ZNF236: variants seen among roughly 807,000 people sequenced by gnomAD.
ZNF236 encodes regulated by glucose.
Under a neutral mutation model 191.2 loss-of-function variants are expected in ZNF236, and 50 were observed. That is an observed-to-expected ratio of 0.26 (90% confidence interval 0.21 to 0.33). ZNF236 has a LOEUF of 0.33. Ranked by LOEUF, ZNF236 falls within the 10% of genes least tolerant of loss-of-function variation. The probability of loss-of-function intolerance (pLI) is 1.00; values close to 1 mark genes in which losing one functional copy is unlikely to be tolerated. For synonymous variants in ZNF236, 907 were observed against 928.8 expected, an observed-to-expected ratio of 0.98 and a Z score of 0.43; for missense variants, 1,754 against 2,374.5, an observed-to-expected ratio of 0.74 and a Z score of 5.43.
chr18:76,825,770 CT>C (rs35798856), intron 1 of ZNF236, among the ~76,000 whole-genome samples: 20,251 of 151,398 alleles, frequency 0.13, 1,745 homozygotes, highest in East Asian at 0.37. Flanking sequence ...TCTAGGGCCT[CT>C]TTTTTTTTGT....
At chr18:76,859,310 G>C (rs540274097) in intron 3 of ZNF236, among the ~76,000 whole-genome samples, 1 of 152,176 alleles carries the variant, frequency 6.6e-6, no homozygotes, top group South Asian at 2.1e-4. Flanking sequence ...AAGTGGAGCA[G>C]CTCCTGGTAT....
At chr18:76,841,353 T>C (rs1440754060) in intron 1 of ZNF236, among the ~76,000 whole-genome samples, 2 of 152,198 alleles carry the variant, frequency 1.3e-5, no homozygotes, top group Non-Finnish European at 2.9e-5. Flanking sequence ...ATTACAGGCG[T>C]GAGCCTCCGC....
chr18:76,889,942 A>T (rs1345554764), intron 9 of ZNF236, among the ~76,000 whole-genome samples: 4 of 152,088 alleles, frequency 2.6e-5, no homozygotes, highest in Non-Finnish European at 5.9e-5. Context: ...ACTTTTTTCC[A>T]CTTGATATCT....
chr18:76,918,160 CT>C (rs980187968), intron 19 of ZNF236, among the ~76,000 whole-genome samples: 20 of 152,138 alleles, frequency 1.3e-4, no homozygotes, highest in African/African-American at 4.8e-4. Context: ...CCCAGCCAAA[CT>C]TTTTTTCCTT....
chr18:76,860,311 T>C (rs77968912), intron 3 of ZNF236, among the ~76,000 whole-genome samples: 1,777 of 152,298 alleles, frequency 0.012, 25 homozygotes, highest in African/African-American at 0.04. Context: ...GCTACACCCA[T>C]CTACAGGGGT....
chr18:76,903,989 A>C (rs923481981), intron 11 of ZNF236, among the ~76,000 whole-genome samples: 1 of 149,546 alleles, frequency 6.7e-6, no homozygotes, highest in Non-Finnish European at 1.5e-5. Context: ...AATTTTGGAC[A>C]TAGTTATGTA....
At chr18:76,916,073 C>T (rs1273900523) in intron 19 of ZNF236, among the ~76,000 whole-genome samples, 1 of 152,228 alleles carries the variant, frequency 6.6e-6, no homozygotes, top group African/African-American at 2.4e-5. Flanking sequence ...TCTGCTCTTA[C>T]AAATCACCAC....
At chr18:76,838,893 C>T (rs901602770) in intron 1 of ZNF236, among the ~76,000 whole-genome samples, 3 of 152,114 alleles carry the variant, frequency 2.0e-5, no homozygotes, top group African/African-American at 7.2e-5. Flanking sequence ...CAGTAAGGAC[C>T]CTCCTTGTTG....
chr18:76,900,702 CT>C (rs1977564760), intron 11 of ZNF236, among the ~76,000 whole-genome samples: 1 of 152,024 alleles, frequency 6.6e-6, no homozygotes. Context: ...AAAATTAAGA[CT>C]TTTGAGTATT....
At chr18:76,956,488 G>A (rs1055142457) in intron 28 of ZNF236, among the ~76,000 whole-genome samples, 4 of 151,762 alleles carry the variant, frequency 2.6e-5, no homozygotes, top group South Asian at 2.1e-4. Flanking sequence ...CTGTTGTTGA[G>A]GCTGTGGGGA....
intron 10 of ZNF236, among the ~76,000 whole-genome samples, chr18:76,896,085 A>G (rs1460831049): frequency 6.6e-6 from 1 of 151,562 alleles, no homozygotes; most frequent in East Asian, 2.0e-4. Context: ...AGTACTAAAT[A>G]CAGGTACCGC....
chr18:76,910,435 G>A (rs1021413344), intron 15 of ZNF236, among the ~76,000 whole-genome samples: 8 of 152,066 alleles, frequency 5.3e-5, no homozygotes, highest in Non-Finnish European at 1.2e-4. Flanking sequence ...TTGGAACTTC[G>A]TGGTGGCTGG....
chr18:76,840,234 C>G (rs1385792720), intron 1 of ZNF236, among the ~76,000 whole-genome samples: 1 of 152,230 alleles, frequency 6.6e-6, no homozygotes, highest in Non-Finnish European at 1.5e-5. Flanking sequence ...GTGGCTCACG[C>G]CTGTGATCCC....
At chr18:76,851,730 A>G in intron 2 of ZNF236, 45 bp from the exon 3 acceptor site, 2 of 1,576,480 alleles carry the variant, frequency 1.3e-6, no homozygotes, top group African/African-American at 1.4e-5. Context: ...AGCATCTGTG[A>G]AAAGATTGTA....
chr18:76,823,111 C>T (rs1457228989), intron 1 of ZNF236, among the ~76,000 whole-genome samples: 7 of 151,178 alleles, frequency 4.6e-5, no homozygotes, highest in East Asian at 2.0e-4. Context: ...CCGGGCTCCT[C>T]CCGGACGGCG....
At chr18:76,932,198 G>A (rs1568236544) in intron 25 of ZNF236, among the ~76,000 whole-genome samples, 4 of 152,174 alleles carry the variant, frequency 2.6e-5, no homozygotes, top group Admixed American at 6.5e-5. Flanking sequence ...ACATGTCACA[G>A]GGGGTGGCTC....
intron 28 of ZNF236, among the ~76,000 whole-genome samples, chr18:76,958,046 G>A (rs968950232): frequency 1.3e-5 from 2 of 152,154 alleles, no homozygotes; most frequent in Admixed American, 6.5e-5. Context: ...GCGTCCTCTG[G>A]TGCAGTGAGC....
At chr18:76,936,257 A>T in intron 25 of ZNF236, 1 of 450,448 alleles carries the variant, frequency 2.2e-6, no homozygotes, top group South Asian at 1.6e-5. Flanking sequence ...GCACAAGTGG[A>T]TGAGGAATAC....
intron 3 of ZNF236, among the ~76,000 whole-genome samples, chr18:76,853,348 G>A (rs949616526): frequency 6.6e-6 from 1 of 152,026 alleles, no homozygotes; most frequent in Admixed American, 6.6e-5. Context: ...CAAAATGCTG[G>A]CATTACAGGT....
Sources: gnomAD v4.1 joint callset for allele counts (sites outside exome capture counted in the v4.1 genomes callset) on GRCh38, gnomAD v4.1.1 for gene constraint, MANE v1.5 for transcripts, NCBI Gene and HGNC (gene_info 2026-07-23, HGNC 2026-07-21) for gene names.